The following RFX3 variants were observed in gnomAD, a reference collection of about 807,000 sequenced individuals.
The protein encoded by RFX3 is transcription factor RFX3.
Under a neutral mutation model 98.6 loss-of-function variants are expected in RFX3, and 14 were observed. The ratio of observed to expected loss-of-function variants is 0.14; its 90% CI spans 0.09 to 0.22. RFX3 has a LOEUF of 0.22. RFX3 is among the 10% of genes least tolerant of loss of function. The pLI, the probability that RFX3 is intolerant of heterozygous loss-of-function variation, is 1.00. For synonymous variants in RFX3, 383 were observed against 328.4 expected (o/e 1.17, Z -1.80); for missense variants, 639 against 926.9 (o/e 0.69, Z 4.03).
chr9:3,253,144 G>C (rs1821651137), intron 14 of RFX3, among the ~76,000 whole-genome samples: 1 of 152,106 alleles, frequency 6.6e-6, no homozygotes, highest in African/African-American at 2.4e-5. Context: ...AAATATCTTT[G>C]TGTATTTATC....
chr9:3,294,646 G>A (rs1827783974), intron 5 of RFX3, among the ~76,000 whole-genome samples: 1 of 152,050 alleles, frequency 6.6e-6, no homozygotes, highest in Non-Finnish European at 1.5e-5. Context: ...CAGAATTACT[G>A]ACTTTAGTCA....
chr9:3,230,803 C>T (rs1299132800), intron 15 of RFX3, among the ~76,000 whole-genome samples: 18 of 152,154 alleles, frequency 1.2e-4, no homozygotes, highest in Non-Finnish European at 4.4e-5. Flanking sequence ...GTTGAAAAGT[C>T]TCTGCAAGTT....
chr9:3,290,548 C>A (rs763234695), intron 6 of RFX3, among the ~76,000 whole-genome samples: 1 of 151,818 alleles, frequency 6.6e-6, no homozygotes, highest in Non-Finnish European at 1.5e-5. Context: ...TAGGTTAGGT[C>A]CCCAAATAAT....
At chr9:3,469,639 C>T (rs1310293261) in intron 1 of RFX3, among the ~76,000 whole-genome samples, 1 of 152,066 alleles carries the variant, frequency 6.6e-6, no homozygotes, top group East Asian at 1.9e-4. Flanking sequence ...AACTATTTTA[C>T]AATTTCACAT....
intron 1 of RFX3, among the ~76,000 whole-genome samples, chr9:3,396,231 C>A (rs1209388508): frequency 6.6e-6 from 1 of 152,056 alleles, no homozygotes; most frequent in Non-Finnish European, 1.5e-5. Context: ...TGATGTTCTC[C>A]TTCCTGTGTC....
intron 8 of RFX3, 137 bp downstream of exon 8, chr9:3,277,203 A>C: frequency 1.4e-6 from 1 of 737,654 alleles, no homozygotes. Context: ...GGACTGTTAT[A>C]CATATGATGT....
intron 1 of RFX3, among the ~76,000 whole-genome samples, chr9:3,445,326 T>A (rs890436307): frequency 6.7e-6 from 1 of 149,544 alleles, no homozygotes; most frequent in Non-Finnish European, 1.5e-5. Context: ...ATAATAGTAA[T>A]AGCCACTACT....
rs189122300 is a variant in RFX3 at position 3,392,097 on chromosome 9, T to C, written c.117+3375A>G. ...AACAAAGATACTGAACATCAGAGGG[T>C]TCTTAATTAAAAAGCCTTGTCAGTC... On this transcript the variant is annotated intron_variant, in intron 2 of 16. Transcript: ENST00000617270. Among the ~76,000 whole-genome samples the C allele has an allele frequency of 1.1e-3, 173 of 152,224 alleles. 1 individual carries two copies. Among genetic ancestry groups the C allele is most frequent in the East Asian group, 4.8e-3 (25 of 5,172 alleles).
chr9:3,340,306 G>A (rs1389023705), intron 3 of RFX3, among the ~76,000 whole-genome samples: 1 of 152,148 alleles, frequency 6.6e-6, no homozygotes, highest in Non-Finnish European at 1.5e-5. Context: ...AACCCTAGAA[G>A]AAAACCTGGG....
chr9:3,325,343 AACTTTT>A (rs1179923671), intron 4 of RFX3, among the ~76,000 whole-genome samples: 5 of 152,242 alleles, frequency 3.3e-5, no homozygotes, highest in South Asian at 4.1e-4. Flanking sequence ...AACTAGGCCA[AACTTTT>A]ACTTATATAG....
At chr9:3,467,077 T>C (rs185926806) in intron 1 of RFX3, among the ~76,000 whole-genome samples, 2,691 of 141,268 alleles carry the variant, frequency 0.019, 129 homozygotes, top group African/African-American at 0.068. Flanking sequence ...TAAGTATATA[T>C]GTATATACAT....
chr9:3,356,852 T>A (rs1461056248), intron 2 of RFX3, among the ~76,000 whole-genome samples: 1 of 151,732 alleles, frequency 6.6e-6, no homozygotes, highest in Non-Finnish European at 1.5e-5. Context: ...CAATCCACCA[T>A]ATTTACAATA....
intron 1 of RFX3, chr9:3,420,986 G>GAGTCCACA: frequency 1.2e-6 from 1 of 823,970 alleles, no homozygotes; most frequent in Non-Finnish European, 1.5e-6. Flanking sequence ...TGAAATCTGT[G>GAGTCCACA]GACTCTCAGA....
chr9:3,382,798 T>C (rs1839328848), intron 2 of RFX3, among the ~76,000 whole-genome samples: 1 of 152,130 alleles, frequency 6.6e-6, no homozygotes, highest in Non-Finnish European at 1.5e-5. Context: ...TAGAGAAAAT[T>C]AGGCAAAACC....
chr9:3,359,539 A>T (rs1836169270), intron 2 of RFX3, among the ~76,000 whole-genome samples: 1 of 152,102 alleles, frequency 6.6e-6, no homozygotes, highest in Admixed American at 6.6e-5. Context: ...ATGGGAAATG[A>T]GAATAAGAGA....
chr9:3,366,677 T>C (rs1200677298), intron 2 of RFX3, among the ~76,000 whole-genome samples: 4 of 146,980 alleles, frequency 2.7e-5, no homozygotes, highest in African/African-American at 1.1e-4. Flanking sequence ...TCTTTCTCTT[T>C]CTTTCTTCTT....
intron 2 of RFX3, among the ~76,000 whole-genome samples, chr9:3,377,689 A>G (rs960107820): frequency 7.9e-5 from 12 of 152,166 alleles, no homozygotes; most frequent in African/African-American, 2.9e-4. Context: ...GCAGACCAGT[A>G]TTTTCCTAGA....
At chr9:3,379,268 T>A (rs1164563170) in intron 2 of RFX3, among the ~76,000 whole-genome samples, 2 of 152,152 alleles carry the variant, frequency 1.3e-5, no homozygotes, top group Non-Finnish European at 2.9e-5. Flanking sequence ...GGAGAGTGCA[T>A]AAAGGAAAGT....
rs12237358 is a variant in RFX3 at position 3,466,016 on chromosome 9, A to G, written c.-9+59731T>C. On this transcript the variant is annotated intron_variant, in intron 1 of 16. Transcript: ENST00000617270. ...TTGAGTTGGAAAATAAGAGAGAAAT[A>G]CAAGATTGGAAGTACAGAATTTATT... 6.6e-4 allele frequency among the ~76,000 whole-genome samples: 101 copies of G among 152,304 alleles called. 3 individuals are homozygous for G. The East Asian group carries it at 0.016, about 24-fold the overall frequency.
Sources: gnomAD v4.1 joint callset for allele counts (sites outside exome capture counted in the v4.1 genomes callset) on GRCh38, gnomAD v4.1.1 for gene constraint, MANE v1.5 for transcripts, NCBI Gene and HGNC (gene_info 2026-07-23, HGNC 2026-07-21) for gene names.